The following BMP5 variants were observed in gnomAD, a reference collection of about 807,000 sequenced individuals.
BMP5 encodes bone morphogenetic protein 5.
BMP5 carries 23 observed loss-of-function variants against 46.6 expected under a neutral mutation model. The ratio of observed to expected loss-of-function variants is 0.49; its 90% CI spans 0.35 to 0.70. The LOEUF (loss-of-function observed/expected upper bound fraction) is 0.70. BMP5 is among the 30% of genes least tolerant of loss of function. The pLI, the probability that BMP5 is intolerant of heterozygous loss-of-function variation, is 0.00. For missense variants in BMP5, 545 were observed against 565.6 expected (o/e 0.96, Z 0.37); for synonymous variants, 204 against 191.9 (o/e 1.06, Z -0.52).
intron 1 of BMP5, among the ~76,000 whole-genome samples, chr6:55,827,356 T>C (rs570025734): frequency 1.3e-5 from 2 of 151,694 alleles, no homozygotes; most frequent in African/African-American, 2.4e-5. Context: ...GATGTCATTG[T>C]GGTTTTTTTA....
chr6:55,845,099 C>T (rs917748259), intron 1 of BMP5, among the ~76,000 whole-genome samples: 1 of 151,810 alleles, frequency 6.6e-6, no homozygotes, highest in Non-Finnish European at 1.5e-5. Context: ...TTTGAAGTCC[C>T]CTAAAGGACA....
At chr6:55,827,395 A>G (rs1346245663) in intron 1 of BMP5, among the ~76,000 whole-genome samples, 1 of 151,758 alleles carries the variant, frequency 6.6e-6, no homozygotes, top group Admixed American at 6.6e-5. Context: ...GAGTTAAAAA[A>G]AAACCTGCAG....
At chr6:55,797,678 G>A (rs1270346504) in intron 2 of BMP5, among the ~76,000 whole-genome samples, 9 of 143,716 alleles carry the variant, frequency 6.3e-5, no homozygotes, top group African/African-American at 2.1e-4. Context: ...GTGCAGTGGT[G>A]CGATCTCAGC....
chr6:55,874,824 G>C lies in BMP5; in HGVS notation c.42C>G (p.Phe14Leu). 1 of 1,612,834 alleles carries C rather than the reference G, an allele frequency of 6.2e-7. No individual in the cohort carries two copies. Among genetic ancestry groups the C allele is most frequent in the South Asian group, 1.1e-5 (1 of 91,044 alleles). ...CCACTAGAACCCAGCAGCTCCAGAGGAAACCCACAATACCCTTAAGTAAAA... is the reference window on the plus strand; with the variant it reads ...CCACTAGAACCCAGCAGCTCCAGAGCAAACCCACAATACCCTTAAGTAAAA... ...TVFLLKGIVG[F>L]LWSCWVLVGY... Residue 14 changes from phenylalanine to leucine, a missense_variant, in exon 1 of 7, where the codon TTC becomes TTG. Transcript: ENST00000370830.
chr6:55,832,702 C>T (rs1439954307), intron 1 of BMP5, among the ~76,000 whole-genome samples: 3 of 152,118 alleles, frequency 2.0e-5, no homozygotes, highest in Non-Finnish European at 4.4e-5. Context: ...TCCTATTAAA[C>T]GTGCCAGGAG....
intron 1 of BMP5, among the ~76,000 whole-genome samples, chr6:55,860,582 G>A (rs958904231): frequency 6.6e-6 from 1 of 152,076 alleles, no homozygotes; most frequent in Non-Finnish European, 1.5e-5. Flanking sequence ...AGTGGCTAAA[G>A]GTAAAGAGAG....
chr6:55,773,442 T>G (rs951373937), intron 4 of BMP5, among the ~76,000 whole-genome samples: 7 of 151,826 alleles, frequency 4.6e-5, no homozygotes, highest in Admixed American at 4.6e-4. Context: ...AATTAACAGA[T>G]TAATTTGCAA....
rs1315320595 is a variant in BMP5 at position 55,874,811 on chromosome 6, A to C, written c.55T>G (p.Trp19Gly). The C allele has an allele frequency of 1.2e-6, 2 of 1,613,432 alleles. No individual in the cohort carries two copies. Among genetic ancestry groups the C allele is most frequent in the Admixed American group, 1.7e-5 (1 of 59,942 alleles). ...CCTTTTGCATAACCCACTAGAACCC[A>C]GCAGCTCCAGAGGAAACCCACAATA... ...KGIVGFLWSC[W>G]VLVGYAKGGL... Residue 19 changes from tryptophan to glycine, a missense_variant, in exon 1 of 7, where the codon TGG becomes GGG. Physicochemically the swap from Trp to Gly is radical, Grantham distance 184. Transcript: ENST00000370830.
intron 3 of BMP5, 75 bp from the exon 4 acceptor site, chr6:55,774,318 T>C: frequency 6.9e-7 from 1 of 1,441,152 alleles, no homozygotes; most frequent in Non-Finnish European, 9.7e-7. Flanking sequence ...ATTCTGAGGG[T>C]ACTTTGAAAA....
intron 2 of BMP5, among the ~76,000 whole-genome samples, chr6:55,808,012 A>T (rs193017199): frequency 2.6e-5 from 4 of 152,176 alleles, no homozygotes; most frequent in African/African-American, 9.6e-5. Context: ...TTGATGGAGG[A>T]GGTGTACTTC....
intron 1 of BMP5, among the ~76,000 whole-genome samples, chr6:55,822,048 A>C (rs1776421518): frequency 6.6e-6 from 1 of 152,172 alleles, no homozygotes; most frequent in African/African-American, 2.4e-5. Flanking sequence ...CTGCCTCATA[A>C]CAGCCTACAA....
chr6:55,833,767 T>C (rs1189608148), intron 1 of BMP5, among the ~76,000 whole-genome samples: 1 of 152,142 alleles, frequency 6.6e-6, no homozygotes, highest in Non-Finnish European at 1.5e-5. Flanking sequence ...CTAAAGGATA[T>C]AGTGTCTCTT....
chr6:55,772,070 T>G (rs955240938), intron 4 of BMP5, among the ~76,000 whole-genome samples: 17 of 151,904 alleles, frequency 1.1e-4, no homozygotes, highest in African/African-American at 4.1e-4. Context: ...CTTTCTTTCT[T>G]CTTCTTATCA....
intron 1 of BMP5, among the ~76,000 whole-genome samples, chr6:55,867,507 C>T (rs1260551871): frequency 6.6e-6 from 1 of 152,114 alleles, no homozygotes; most frequent in Non-Finnish European, 1.5e-5. Context: ...AATGCTGATA[C>T]ATCTCAGTGG....
chr6:55,767,833 A>T (rs1774951585), intron 4 of BMP5, among the ~76,000 whole-genome samples: 2 of 152,032 alleles, frequency 1.3e-5, no homozygotes, highest in Admixed American at 1.3e-4. Flanking sequence ...AAATAAACTG[A>T]TGCCAATACT....
intron 1 of BMP5, among the ~76,000 whole-genome samples, chr6:55,834,795 T>C (rs1776749875): frequency 1.3e-5 from 2 of 152,090 alleles, no homozygotes; most frequent in South Asian, 4.1e-4. Context: ...AAATTCCATA[T>C]GGAGGCCAGG....
intron 2 of BMP5, among the ~76,000 whole-genome samples, chr6:55,806,927 G>C (rs575900383): frequency 6.6e-6 from 1 of 152,260 alleles, no homozygotes; most frequent in South Asian, 2.1e-4. Context: ...TTTGTATCCT[G>C]AGACTTTTTG....
At chr6:55,837,376 T>TAGAC (rs1187491927) in intron 1 of BMP5, among the ~76,000 whole-genome samples, 2,065 of 149,662 alleles carry the variant, frequency 0.014, 17 homozygotes, top group Admixed American at 0.024. Flanking sequence ...GATAGATAGA[T>TAGAC]AGACAGACAG....
In BMP5 at chr6:55,755,406, C is replaced by G. The variant is rs1774561570; in HGVS notation, c.*127G>C. ...AAATGACTATATACATGATATTGTA[C>G]ATAGGAAAAGAGTCAAAATGAGCCA... On this transcript the variant is annotated 3_prime_UTR_variant, in exon 7 of 7. Transcript: ENST00000370830. 1.2e-6 allele frequency: 1 copy of G among 840,800 alleles called. No homozygotes were observed. The highest frequency in any genetic ancestry group is 1.9e-6 in the Non-Finnish European group (1 of 520,770). 52.1% of individuals were successfully genotyped at this position (840,800 alleles called of 1,614,324 possible).
Sources: gnomAD v4.1 joint callset for allele counts (sites outside exome capture counted in the v4.1 genomes callset) on GRCh38, gnomAD v4.1.1 for gene constraint, MANE v1.5 for transcripts, NCBI Gene and HGNC (gene_info 2026-07-23, HGNC 2026-07-21) for gene names.